Variants in IGSF9B observed in about 807,000 individuals in gnomAD.
The protein encoded by IGSF9B is immunoglobulin superfamily member 9B.
A neutral mutation model predicts 143.7 loss-of-function variants in IGSF9B; 48 were observed. The observed-to-expected ratio is 0.33, with a 90% CI of 0.26 to 0.42. IGSF9B has a LOEUF of 0.42. Among genes scored for constraint, IGSF9B ranks in the 20% least tolerant of loss-of-function variants. IGSF9B has a pLI of 1.00. For synonymous variants in IGSF9B, 903 were observed against 833.1 expected, an observed-to-expected ratio of 1.08 and a Z score of -1.44; for missense variants, 1,706 against 1,980.0, an observed-to-expected ratio of 0.86 and a Z score of 2.63.
intron 1 of IGSF9B, among the ~76,000 whole-genome samples, chr11:133,951,453 A>T (rs1233430745): frequency 6.6e-6 from 1 of 152,216 alleles, no homozygotes; most frequent in African/African-American, 2.4e-5. Context: ...GGGAGGTGCA[A>T]GCTCAGCAGG....
intron 1 of IGSF9B, among the ~76,000 whole-genome samples, chr11:133,947,816 CTCTGGATCTCTGTTTG>C (rs755657522): frequency 1.8e-4 from 27 of 151,994 alleles, no homozygotes; most frequent in Non-Finnish European, 2.9e-4. Flanking sequence ...CTAGCTCCTT[CTCTGGATCTCTGTTTG>C]TCTGTCTGCC....
At position 133,902,570 on chromosome 11, in the gene IGSF9B, A is replaced by T. The variant is rs199950071; in HGVS notation, c.*6499T>A. On this transcript the variant is annotated 3_prime_UTR_variant, in exon 20 of 20. Transcript: ENST00000533871. ...CACACCACATACACACACACACCCC[A>T]CACACACACACACACACCCCACTTA... 2.7e-5 allele frequency among the ~76,000 whole-genome samples: 1 copy of T among 37,310 alleles called. No homozygotes were observed. The highest frequency in any genetic ancestry group is 7.7e-5 in the Non-Finnish European group (1 of 12,978). The allele number at this position is 37,310 out of a possible 152,430, so 24.5% of individuals were successfully genotyped here.
Position 133,922,554 on chromosome 11 carries a change from G to A in IGSF9B, c.2281+15C>T. ...ACCGGGCCAGGGAGAGCAAGGGAAG[G>A]GGACAGACACCCACCTTTTTTGCGC... On this transcript the variant is annotated intron_variant, in intron 16 of 19. Transcript: ENST00000533871. The A allele has an allele frequency of 1.9e-6, 3 of 1,602,066 alleles. No individual in the cohort carries two copies. The highest frequency in any genetic ancestry group is 2.6e-6 in the Non-Finnish European group (3 of 1,170,704).
rs549421836 is a variant in IGSF9B at position 133,943,879 on chromosome 11, G to A, written c.409+341C>T. On this transcript the variant is annotated intron_variant, in intron 3 of 19. Coordinates refer to ENST00000533871, the MANE Select transcript of IGSF9B (RefSeq NM_001277285.4). The stretch of plus-strand genomic sequence containing the variant: ...GGGGTAGCAGGGTCTTCCCAAGGCT[G>A]GGAAATAATCCCAGCGGTGACCCAT... Among the ~76,000 whole-genome samples, 12 of 152,314 alleles carry A rather than the reference G, an allele frequency of 7.9e-5. No homozygotes were observed. In the South Asian group the frequency reaches 2.3e-3, roughly 29 times the overall value.
In IGSF9B at chr11:133,946,120, G is replaced by A. The variant is rs1426679408; in HGVS notation, c.203C>T (p.Pro68Leu). The A allele has an allele frequency of 1.9e-6, 3 of 1,610,428 alleles. No homozygotes were observed. Among genetic ancestry groups the A allele is most frequent in the South Asian group, 1.1e-5 (1 of 90,148 alleles). ...YVVEWFKFGV[P>L]IPIFIKFGYY... is the part of the protein sequence containing the mutation. Reference sequence around the variant, plus strand: ...GCCAAACTTGATGAAGATAGGGATGGGGACCCCGAACTTGAACCACTCTAC... The same window carrying A: ...GCCAAACTTGATGAAGATAGGGATGAGGACCCCGAACTTGAACCACTCTAC... The change falls in exon 2 of 20, where the codon CCC becomes CTC. Residue 68 changes from proline (P) to leucine (L), a missense_variant. Pro to Leu is a moderately conservative substitution (Grantham distance 98). Around this residue, in one of 7 missense-constraint regions of IGSF9B, gnomAD observed 171 missense variants for 213.9 expected, o/e 0.80. Transcript: ENST00000533871.
In IGSF9B at chr11:133,939,852, CACAA is replaced by C. The variant is rs199847414; in HGVS notation, c.410-1895_410-1892del. On this transcript the variant is annotated intron_variant, in intron 3 of 19. Transcript: ENST00000533871. The stretch of plus-strand genomic sequence containing the variant: ...ATGTCCTCGCACGCGTCATCACACG[CACAA>C]ACACACACCTCGCACGTCCTCGCAC... 5.9e-3 allele frequency among the ~76,000 whole-genome samples: 874 copies of C among 148,884 alleles called. 14 individuals are homozygous for C. Among genetic ancestry groups the C allele is most frequent in the East Asian group, 0.055 (266 of 4,872 alleles).
rs1302981791 is a variant in IGSF9B, at chr11:133,930,251, C to T, written c.1520-469G>A. On this transcript the variant is annotated intron_variant, in intron 11 of 19. Coordinates refer to ENST00000533871, the MANE Select transcript of IGSF9B (RefSeq NM_001277285.4). ...GGAGCCCCATCCTGGCTTCGATTCC[C>T]GGACCCACTACTTCTTAGCGATGTG... Among the ~76,000 whole-genome samples the T allele has an allele frequency of 3.3e-5, 5 of 152,160 alleles. No individual in the cohort carries two copies. The South Asian group carries it at 6.2e-4, about 19-fold the overall frequency.
chr11:133,918,036 G>C (rs899658018), intron 18 of IGSF9B, among the ~76,000 whole-genome samples: 1 of 136,170 alleles, frequency 7.3e-6, no homozygotes, highest in African/African-American at 2.7e-5. Flanking sequence ...AGAGGGGCCG[G>C]ACATGGGGAC....
At position 133,932,026 on chromosome 11, in the gene IGSF9B, G is replaced by T. The variant is rs187635635; in HGVS notation, c.1110+45C>A. Reference sequence around the variant, plus strand: ...AGCCCAGAGGTGGCATCACAGTACTGGGGGGAGCCCTCACTCCAACCCTCA... The same window carrying T: ...AGCCCAGAGGTGGCATCACAGTACTTGGGGGAGCCCTCACTCCAACCCTCA... On this transcript the variant is annotated intron_variant, in intron 8 of 19. Transcript: ENST00000533871. The T allele has an allele frequency of 1.5e-5, 23 of 1,582,646 alleles. No homozygotes were observed. In the South Asian group the frequency reaches 2.4e-4, roughly 17 times the overall value.
intron 4 of IGSF9B, 99 bp downstream of exon 4, chr11:133,937,711 T>C (rs972968994): frequency 3.6e-6 from 5 of 1,403,730 alleles, no homozygotes; most frequent in African/African-American, 1.4e-5. Context: ...GCCTCCTCTG[T>C]GCTTGTGCCT....
intron 5 of IGSF9B, among the ~76,000 whole-genome samples, chr11:133,936,895 G>A (rs1939833829): frequency 6.6e-6 from 1 of 152,214 alleles, no homozygotes; most frequent in African/African-American, 2.4e-5. Flanking sequence ...GGGGACTCTG[G>A]GGCTCCAGGC....
rs1939024874 is a variant in IGSF9B at position 133,896,819 on chromosome 11, GACA to G, written c.*12247_*12249del. On this transcript the variant is annotated 3_prime_UTR_variant, in exon 20 of 20. Coordinates refer to ENST00000533871, the MANE Select transcript of IGSF9B (RefSeq NM_001277285.4). Reference sequence around the variant, plus strand: ...TCCATTTTTGACTGCCAAGTCAAAGGACAAAGGGATCACCATCATCAGCAGCCA... The same window carrying G: ...TCCATTTTTGACTGCCAAGTCAAAGGAAGGGATCACCATCATCAGCAGCCA... 1 of 152,310 alleles carries G rather than the reference GACA, an allele frequency of 6.6e-6. No individual in the cohort carries two copies. The highest frequency in any genetic ancestry group is 1.5e-5 in the Non-Finnish European group (1 of 68,128). 9.4% of individuals were successfully genotyped at this position (152,310 alleles called of 1,614,324 possible).
intron 6 of IGSF9B, 111 bp downstream of exon 6, chr11:133,935,942 C>T (rs1364163287): frequency 1.3e-5 from 19 of 1,425,406 alleles, no homozygotes; most frequent in Non-Finnish European, 1.8e-5. Context: ...CTGCCCACCT[C>T]CCCCAGCTCC....
Position 133,953,052 on chromosome 11 carries a change from G to A in IGSF9B, c.64+3639C>T, listed in dbSNP as rs1828818966. 1.3e-5 allele frequency among the ~76,000 whole-genome samples: 2 copies of A among 152,106 alleles called. No homozygotes were observed. Among genetic ancestry groups the A allele is most frequent in the Admixed American group, 6.5e-5 (1 of 15,274 alleles). On this transcript the variant is annotated intron_variant, in intron 1 of 19. Transcript: ENST00000533871. This position sits in a 1 kb window ranked among gnomAD's most constrained non-coding sequence, Gnocchi z 4.2. Reference sequence around the variant, plus strand: ...CCCCACATCTTGAAGCACCCAGCAGGGCTGAGGAAGAGAGGGCCAAGGAAG... The same window carrying A: ...CCCCACATCTTGAAGCACCCAGCAGAGCTGAGGAAGAGAGGGCCAAGGAAG...
chr11:133,955,968 C>T (rs1000642116), intron 1 of IGSF9B, among the ~76,000 whole-genome samples: 9 of 151,826 alleles, frequency 5.9e-5, no homozygotes, highest in Non-Finnish European at 8.8e-5. Context: ...GGGGCCCGCG[C>T]GGCTGCGGCG....
At chr11:133,922,042 A>G (rs1939548821) in intron 17 of IGSF9B, 135 bp downstream of exon 17, 1 of 725,650 alleles carries the variant, frequency 1.4e-6, no homozygotes, top group Non-Finnish European at 2.4e-6. Flanking sequence ...GGGGCTGGGC[A>G]AGTACAATTA....
In IGSF9B at chr11:133,920,512, C is replaced by G; in HGVS notation, c.3213G>C (p.Gln1071His). The change falls in exon 18 of 20, where the codon CAG (glutamine) becomes CAC (histidine). Residue 1071 changes from glutamine (Q) to histidine (H), a missense_variant. By Grantham distance (24) the Gln-to-His change is conservative. Transcript: ENST00000533871. ...GTCCTCGGGGGAGGCCGGCCTTGGG[C>G]TGCAGACTCTCGGGCACATCACAGG... ...LPPCDVPESL[Q>H]PKAGLPRGLP... The G allele has an allele frequency of 6.3e-7, 1 of 1,598,934 alleles. No individual in the cohort carries two copies. Among genetic ancestry groups the G allele is most frequent in the Non-Finnish European group, 8.5e-7 (1 of 1,172,120 alleles).
At chr11:133,937,645 C>T (rs528224170) in intron 4 of IGSF9B, among the ~76,000 whole-genome samples, 152 bp from the exon 5 acceptor site, 4 of 152,358 alleles carry the variant, frequency 2.6e-5, no homozygotes, top group Middle Eastern at 3.4e-3. Context: ...CCCCCTTGCC[C>T]ATCTCCCGCC....
At chr11:133,942,964 T>G (rs1209511505) in intron 3 of IGSF9B, among the ~76,000 whole-genome samples, 2 of 152,214 alleles carry the variant, frequency 1.3e-5, no homozygotes, top group Non-Finnish European at 2.9e-5. Flanking sequence ...GCCAGTGATC[T>G]TGCTAAAATA....
Sources: allele counts gnomAD v4.1 joint callset (sites outside exome capture counted in the v4.1 genomes callset), GRCh38; gene constraint gnomAD v4.1.1; regional missense constraint gnomAD v4.1.1; non-coding constraint Gnocchi (gnomAD v3.1); transcripts MANE v1.5; gene names NCBI Gene and HGNC (gene_info 2026-07-23, HGNC 2026-07-21).